GNPAT: variants seen among roughly 807,000 people sequenced by gnomAD.
GNPAT encodes the protein glyceronephosphate O-acyltransferase.
A neutral mutation model predicts 78.4 loss-of-function variants in GNPAT; 30 were observed. The observed-to-expected ratio is 0.38, with a 90% CI of 0.29 to 0.52. GNPAT has a LOEUF of 0.52. Ranked by LOEUF, GNPAT falls within the 20% of genes least tolerant of loss-of-function variation. GNPAT has a pLI of 0.84. For missense variants in GNPAT, 714 were observed against 812.2 expected (o/e 0.88, Z 1.47); for synonymous variants, 271 against 281.1 (o/e 0.96, Z 0.36).
chr1:231,277,058 A>G (rs1213764663), intron 15 of GNPAT, among the ~76,000 whole-genome samples: 1 of 152,200 alleles, frequency 6.6e-6, no homozygotes, highest in South Asian at 2.1e-4. Flanking sequence ...TAGTTGTTGC[A>G]TATCGGGAAG....
At position 231,277,741 on chromosome 1, in the gene GNPAT, T is replaced by C; in HGVS notation, c.*199T>C. The stretch of plus-strand genomic sequence containing the variant: ...CCCACCACAGTGGTTAAAAGGCGTT[T>C]GTATCTGACACTATGTGTGTGTTTT... On this transcript the variant is annotated 3_prime_UTR_variant, in exon 16 of 16. Coordinates refer to ENST00000366647, the MANE Select transcript of GNPAT (RefSeq NM_014236.4). 1.7e-6 allele frequency: 1 copy of C among 579,706 alleles called. No individual in the cohort carries two copies. The highest frequency in any genetic ancestry group is 3.1e-6 in the Non-Finnish European group (1 of 322,896). 35.9% of individuals were successfully genotyped at this position (579,706 alleles called of 1,614,324 possible).
chr1:231,275,779 G>A (rs369403303), intron 14 of GNPAT, among the ~76,000 whole-genome samples: 2 of 152,156 alleles, frequency 1.3e-5, no homozygotes, highest in Non-Finnish European at 2.9e-5. Context: ...AAAGATTTTC[G>A]GGAGTGTAGT....
chr1:231,262,560 T>G (rs1248105081), intron 3 of GNPAT, among the ~76,000 whole-genome samples, 163 bp from the exon 4 acceptor site: 3 of 152,240 alleles, frequency 2.0e-5, no homozygotes, highest in African/African-American at 7.2e-5. Flanking sequence ...GAAACAGTAC[T>G]TTTACCTTAT....
Position 231,267,917 on chromosome 1 carries a change from A to G in GNPAT, c.1279+14A>G. On this transcript the variant is annotated intron_variant, in intron 9 of 15. Transcript: ENST00000366647. ...TCATTTGGCCTGGTATGTAGGTAGG[A>G]CATATGTGTTGAGAATGCTTGCTTA... The G allele has an allele frequency of 1.0e-5, 15 of 1,446,644 alleles. No homozygotes were observed. The highest frequency in any genetic ancestry group is 1.4e-5 in the Non-Finnish European group (14 of 1,026,966). The allele number at this position is 1,446,644 out of a possible 1,614,324, so 89.6% of individuals were successfully genotyped here.
chr1:231,271,753 G>A (rs535247828), intron 10 of GNPAT, among the ~76,000 whole-genome samples: 1 of 152,310 alleles, frequency 6.6e-6, no homozygotes, highest in South Asian at 2.1e-4. Flanking sequence ...GGCCTCTAAG[G>A]ACTGTGATGT....
At chr1:231,274,616 C>A (rs1052919491) in intron 12 of GNPAT, among the ~76,000 whole-genome samples, 1 of 152,132 alleles carries the variant, frequency 6.6e-6, no homozygotes, top group Non-Finnish European at 1.5e-5. Flanking sequence ...GAGTCTGAAA[C>A]ATAAACTGTA....
At chr1:231,252,040 G>T (rs527530381) in intron 2 of GNPAT, among the ~76,000 whole-genome samples, 23 of 152,204 alleles carry the variant, frequency 1.5e-4, no homozygotes, top group Non-Finnish European at 2.9e-4. Flanking sequence ...ATGTTGGATT[G>T]TATTTTATCC....
chr1:231,254,669 T>C (rs1185923101), intron 2 of GNPAT, among the ~76,000 whole-genome samples: 2 of 151,736 alleles, frequency 1.3e-5, no homozygotes, highest in Non-Finnish European at 2.9e-5. Context: ...AGGATGGTCT[T>C]GATCTCCTGA....
In GNPAT at chr1:231,272,253, G is replaced by T. The variant is rs1206164869; in HGVS notation, c.1523-59G>T. On this transcript the variant is annotated intron_variant, in intron 10 of 15. Transcript: ENST00000366647. ...ATTTTGTGATAGTAAGGACTTCCTG[G>T]TACTCCCTTAAAGTTTAAAGGGCAA... The T allele has an allele frequency of 4.7e-6, 4 of 847,812 alleles. No individual in the cohort carries two copies. The Admixed American group carries it at 6.8e-5, about 15-fold the overall frequency. 52.5% of individuals were successfully genotyped at this position (847,812 alleles called of 1,614,324 possible). A position where few individuals can be genotyped will look rare whatever the true frequency, so the allele number is the denominator to read the frequency against.
intron 1 of GNPAT, among the ~76,000 whole-genome samples, chr1:231,244,366 C>A (rs1285173483): frequency 1.3e-5 from 2 of 152,004 alleles, no homozygotes; most frequent in African/African-American, 2.4e-5. Context: ...TAACAGTGAG[C>A]CCAGGAAGAA....
chr1:231,254,909 G>A (rs1452597656), intron 2 of GNPAT, among the ~76,000 whole-genome samples: 2 of 151,862 alleles, frequency 1.3e-5, no homozygotes, highest in East Asian at 3.9e-4. Context: ...CCACCACTGC[G>A]CCTGGCTAAT....
Position 231,260,490 on chromosome 1 carries a change from T to G in GNPAT, c.262-17T>G. The G allele has an allele frequency of 6.3e-7, 1 of 1,581,188 alleles. No individual in the cohort carries two copies. The highest frequency in any genetic ancestry group is 1.1e-5 in the South Asian group (1 of 90,352). ...TATTGTTGTTAGAAATTATTCCTGC[T>G]TTTCCTTTCCTTTTAGCTTTCCAAG... On this transcript the variant is annotated splice_polypyrimidine_tract_variant and intron_variant, in intron 2 of 15. Transcript: ENST00000366647.
In GNPAT at chr1:231,260,530, T is replaced by A. The variant is rs762187367; in HGVS notation, c.285T>A (p.Ser95=). The A allele has an allele frequency of 2.5e-6, 4 of 1,610,160 alleles. No individual in the cohort carries two copies. Among genetic ancestry groups the A allele is most frequent in the Non-Finnish European group, 2.6e-6 (3 of 1,176,400 alleles). The change falls in exon 3 of 16, where the codon TCT becomes TCA. Residue 95 remains serine, a synonymous_variant. Coordinates refer to ENST00000366647, the MANE Select transcript of GNPAT (RefSeq NM_014236.4). ...AGCTTTCCAAGGAATCCCTTCAATC[T>A]GTGGATGTCCTCCGAGAGGAAGTGA... is the stretch of plus-strand genomic sequence containing the variant. ...IKQLSKESLQ[S]VDVLREEVSE... is the part of the protein sequence containing the mutation.
intron 3 of GNPAT, among the ~76,000 whole-genome samples, chr1:231,262,302 CA>C (rs1381980839): frequency 6.6e-6 from 1 of 152,200 alleles, no homozygotes. Context: ...CTTTTTAAGT[CA>C]GACTGACTTG....
At chr1:231,269,990 G>A (rs749119752) in intron 9 of GNPAT, 3 of 152,480 alleles carry the variant, frequency 2.0e-5, no homozygotes, top group Admixed American at 6.5e-5. Context: ...AAGTCCAGGA[G>A]GAAGCCATAC....
chr1:231,250,930 T>G, intron 1 of GNPAT, 31 bp from the exon 2 acceptor site: 2 of 1,400,198 alleles, frequency 1.4e-6, no homozygotes, highest in South Asian at 1.2e-5. Context: ...TTTTACAGTA[T>G]GTGCTCATTA....
chr1:231,274,143 T>C (rs1321537826), intron 12 of GNPAT, 81 bp downstream of exon 12: 2 of 1,249,866 alleles, frequency 1.6e-6, no homozygotes, highest in Non-Finnish European at 2.3e-6. Context: ...TTATTTCCAG[T>C]CTGAAGGGCA....
intron 2 of GNPAT, among the ~76,000 whole-genome samples, chr1:231,256,190 CTCTTT>C (rs1389336656): frequency 1.3e-5 from 2 of 152,110 alleles, no homozygotes; most frequent in Non-Finnish European, 2.9e-5. Context: ...CAGCCCAGAT[CTCTTT>C]TGAGTTTCAT....
chr1:231,271,413 T>C (rs562503), intron 10 of GNPAT, among the ~76,000 whole-genome samples: 89,016 of 151,550 alleles, frequency 0.59, 26,587 homozygotes, highest in African/African-American at 0.69. Flanking sequence ...GTTCTAATTG[T>C]ATCAGGAGTA....
Sources: allele counts gnomAD v4.1 joint callset (sites outside exome capture counted in the v4.1 genomes callset), GRCh38; gene constraint gnomAD v4.1.1; transcripts MANE v1.5; gene names NCBI Gene and HGNC (gene_info 2026-07-23, HGNC 2026-07-21).